The following SLC35F4 variants were observed in gnomAD, a reference collection of about 807,000 sequenced individuals.
The protein encoded by SLC35F4 is chromosome 14 open reading frame 36.
A neutral mutation model predicts 44.2 loss-of-function variants in SLC35F4; 24 were observed. The ratio of observed to expected loss-of-function variants is 0.54; its 90% confidence interval spans 0.39 to 0.76. The LOEUF is 0.76. SLC35F4 is among the 30% of genes least tolerant of loss of function. SLC35F4 has a pLI of 0.00. For missense variants in SLC35F4, 562 were observed against 586.1 expected (o/e 0.96, Z 0.42); for synonymous variants, 238 against 223.6 (o/e 1.06, Z -0.57).
chr14:57,627,964 G>A (rs888714034), intron 1 of SLC35F4, among the ~76,000 whole-genome samples: 2 of 151,986 alleles, frequency 1.3e-5, no homozygotes, highest in Non-Finnish European at 2.9e-5. Flanking sequence ...ATGTCCACTA[G>A]GCTGATAAAG....
chr14:57,628,825 C>G (rs894527820), intron 1 of SLC35F4, among the ~76,000 whole-genome samples: 10 of 152,142 alleles, frequency 6.6e-5, no homozygotes, highest in African/African-American at 2.4e-4. Flanking sequence ...AAAATTTTCT[C>G]TTTTAGGGAC....
intron 1 of SLC35F4, among the ~76,000 whole-genome samples, chr14:57,774,590 A>G (rs997807078): frequency 6.6e-6 from 1 of 152,144 alleles, no homozygotes; most frequent in Non-Finnish European, 1.5e-5. Context: ...GGGCAGTCCA[A>G]TCTGAGAACC....
At chr14:57,589,933 G>C (rs939371990) in intron 2 of SLC35F4, among the ~76,000 whole-genome samples, 2 of 152,182 alleles carry the variant, frequency 1.3e-5, no homozygotes, top group Non-Finnish European at 2.9e-5. Context: ...CAGCTCTCTT[G>C]CTCTTCCCCT....
chr14:57,809,537 C>A (rs1595116163), intron 1 of SLC35F4, among the ~76,000 whole-genome samples: 1 of 152,210 alleles, frequency 6.6e-6, no homozygotes, highest in Admixed American at 6.5e-5. Flanking sequence ...GATCCACCCC[C>A]ATCAAAGCCC....
chr14:57,684,785 T>C (rs1470345751), intron 1 of SLC35F4, among the ~76,000 whole-genome samples: 1 of 152,066 alleles, frequency 6.6e-6, no homozygotes, highest in African/African-American at 2.4e-5. Flanking sequence ...TATTGAAGAG[T>C]GATTTTCCAG....
intron 1 of SLC35F4, among the ~76,000 whole-genome samples, chr14:57,890,084 C>T (rs764319451): frequency 6.6e-6 from 1 of 152,188 alleles, no homozygotes; most frequent in African/African-American, 2.4e-5. Context: ...ATGTGCAACT[C>T]GCTTTGACAA....
Position 57,952,997 on chromosome 14 carries a change from A to G in SLC35F4, n.282+28916T>C, listed in dbSNP as rs527743516. Reference sequence around the variant, plus strand: ...AAGACACATGATCATCAGATTCACCAAGGTTGAAATGAAGGAAAAAATGTT... The same window carrying G: ...AAGACACATGATCATCAGATTCACCGAGGTTGAAATGAAGGAAAAAATGTT... On this transcript the variant is annotated intron_variant and non_coding_transcript_variant, in intron 1 of 1. Coordinates refer to the SLC35F4 transcript ENST00000556568. 2.0e-5 allele frequency among the ~76,000 whole-genome samples: 3 copies of G among 152,262 alleles called. No homozygotes were observed. In the East Asian group the frequency reaches 5.8e-4, roughly 29 times the overall value.
chr14:57,688,753 C>T (rs1594799457), intron 1 of SLC35F4, among the ~76,000 whole-genome samples: 1 of 152,282 alleles, frequency 6.6e-6, no homozygotes, highest in East Asian at 1.9e-4. Context: ...TTCCTACTGG[C>T]TCATACTCAT....
At chr14:57,660,025 A>G (rs559682134) in intron 1 of SLC35F4, among the ~76,000 whole-genome samples, 39 of 152,306 alleles carry the variant, frequency 2.6e-4, no homozygotes, top group Admixed American at 3.3e-4. Flanking sequence ...AAGAAATGTG[A>G]GGAGCTGTGG....
intron 1 of SLC35F4, among the ~76,000 whole-genome samples, chr14:57,944,699 GAAAGAAAGAAAGAAA>G (rs1566508705): frequency 2.7e-5 from 1 of 37,040 alleles, no homozygotes; most frequent in African/African-American, 7.9e-5. Context: ...AGAAAGAAAA[GAAAGAAAGAAAGAAA>G]GAAAGAAAGA....
chr14:57,831,281 G>T (rs1175375940), intron 1 of SLC35F4, among the ~76,000 whole-genome samples: 1 of 152,170 alleles, frequency 6.6e-6, no homozygotes, highest in African/African-American at 2.4e-5. Flanking sequence ...CTGCAAGCCG[G>T]AAAGAGGGCC....
intron 1 of SLC35F4, among the ~76,000 whole-genome samples, chr14:57,967,714 G>A (rs781079257): frequency 6.6e-6 from 1 of 152,134 alleles, no homozygotes; most frequent in Non-Finnish European, 1.5e-5. Context: ...CAATCACACA[G>A]CTTGTAAGTT....
At chr14:57,783,218 G>A (rs1271518142) in intron 1 of SLC35F4, among the ~76,000 whole-genome samples, 1 of 152,026 alleles carries the variant, frequency 6.6e-6, no homozygotes, top group Non-Finnish European at 1.5e-5. Flanking sequence ...GGAAGATGAA[G>A]TATCTAAAGC....
chr14:57,782,652 G>A (rs1216839788), intron 1 of SLC35F4, among the ~76,000 whole-genome samples: 1 of 152,180 alleles, frequency 6.6e-6, no homozygotes, highest in Non-Finnish European at 1.5e-5. Flanking sequence ...TGCTGTTGCT[G>A]TGAGCTCAAG....
chr14:57,591,126 A>G (rs1418711156), intron 2 of SLC35F4, among the ~76,000 whole-genome samples: 1 of 152,208 alleles, frequency 6.6e-6, no homozygotes, highest in Non-Finnish European at 1.5e-5. Context: ...TCATTCAACC[A>G]AATCTTATGG....
intron 1 of SLC35F4, among the ~76,000 whole-genome samples, chr14:57,714,401 T>A (rs2075887585): frequency 6.6e-6 from 1 of 152,060 alleles, no homozygotes; most frequent in Non-Finnish European, 1.5e-5. Context: ...CCATTGAGAG[T>A]CTTAAAAACA....
intron 1 of SLC35F4, among the ~76,000 whole-genome samples, chr14:57,823,086 T>C (rs1730672668): frequency 6.6e-6 from 1 of 152,098 alleles, no homozygotes; most frequent in Admixed American, 6.6e-5. Flanking sequence ...CTCCACTGTT[T>C]AAAACCACCC....
chr14:57,977,231 T>C (rs539326876), intron 1 of SLC35F4, among the ~76,000 whole-genome samples: 2 of 152,290 alleles, frequency 1.3e-5, no homozygotes, highest in African/African-American at 4.8e-5. Flanking sequence ...GATTTAATTA[T>C]ATAAATGTAG....
chr14:57,614,295 A>T (rs1353874084), intron 1 of SLC35F4, among the ~76,000 whole-genome samples: 1 of 152,208 alleles, frequency 6.6e-6, no homozygotes, highest in African/African-American at 2.4e-5. Flanking sequence ...AGGAAGAAAA[A>T]GTTGTTGGTA....
Sources: allele counts gnomAD v4.1 joint callset (sites outside exome capture counted in the v4.1 genomes callset), GRCh38; gene constraint gnomAD v4.1.1; transcripts MANE v1.5; gene names NCBI Gene and HGNC (gene_info 2026-07-23, HGNC 2026-07-21).